Variants in GNG7 observed in about 807,000 individuals in gnomAD.
The protein encoded by GNG7 is G protein subunit gamma 7, also known as guanine nucleotide-binding protein G(I)/G(S)/G(O) subunit gamma-7.
GNG7 carries 1 observed loss-of-function variant against 4.0 expected under a neutral mutation model. The ratio of observed to expected loss-of-function variants is 0.25; its 90% confidence interval spans 0.09 to 1.18. The LOEUF (loss-of-function observed/expected upper bound fraction) is 1.18, where lower values mean the gene tolerates loss of function less well. Ranked by LOEUF, GNG7 falls within the 50% of genes most tolerant of loss-of-function variation. The pLI is 0.50. For missense variants in GNG7, 86 were observed against 91.9 expected (o/e 0.94, Z 0.26); for synonymous variants, 34 against 36.9 (o/e 0.92, Z 0.29).
intron 2 of GNG7, among the ~76,000 whole-genome samples, chr19:2,600,059 T>C (rs1046672241): frequency 2.0e-5 from 3 of 151,906 alleles, no homozygotes; most frequent in East Asian, 3.8e-4. Flanking sequence ...AAAGCTGTCA[T>C]ATAAAATAAA....
At position 2,513,145 on chromosome 19, in the gene GNG7, G is replaced by A. The variant is rs1055842816; in HGVS notation, c.*1877C>T. On this transcript the variant is annotated 3_prime_UTR_variant, in exon 5 of 5. Coordinates refer to ENST00000382159, the MANE Select transcript of GNG7 (RefSeq NM_052847.3). ...TCCCCCGACACCTGCACACACACCC[G>A]GAGCCCTCTAGCCTTGGCGAGGTGG... is the stretch of plus-strand genomic sequence containing the variant. 1.1e-4 allele frequency: 108 copies of A among 984,782 alleles called. No individual in the cohort carries two copies. Among genetic ancestry groups the A allele is most frequent in the Non-Finnish European group, 1.2e-4 (101 of 829,468 alleles). The allele number at this position is 984,782 out of a possible 1,614,324, so 61.0% of individuals were successfully genotyped here.
rs553743657 is a variant in GNG7, at chr19:2,555,088, G to C, written c.-38+61C>G. The C allele has an allele frequency of 2.6e-5, 4 of 152,156 alleles. No individual in the cohort carries two copies. In the South Asian group the frequency reaches 6.2e-4, roughly 24 times the overall value. The allele number at this position is 152,156 out of a possible 1,614,324, so 9.4% of individuals were successfully genotyped here. On this transcript the variant is annotated intron_variant, in intron 3 of 4. Coordinates refer to ENST00000382159, the MANE Select transcript of GNG7 (RefSeq NM_052847.3). ...ACACATAAAAGACTGGGGCTTGTTTGTTCCTTTTTCTAAAAAACAAGAGAT... is the reference window on the plus strand; with the variant it reads ...ACACATAAAAGACTGGGGCTTGTTTCTTCCTTTTTCTAAAAAACAAGAGAT...
Position 2,634,887 on chromosome 19 carries a change from C to CA in GNG7, c.-78+11336dup, listed in dbSNP as rs202100769. On this transcript the variant is annotated intron_variant, in intron 2 of 4. Transcript: ENST00000382159. The surrounding 1 kb of genome is among the most constrained non-coding windows in gnomAD (Gnocchi z 5.3). ...GTAAAGCTCTCAGCAGAAATGTTAC[C>CA]AAAAAAAAAAAACCCTCGCCGGGAG... is the stretch of plus-strand genomic sequence containing the variant. 0.021 allele frequency among the ~76,000 whole-genome samples: 2,818 copies of CA among 137,150 alleles called. 58 individuals carry two copies. The highest frequency in any genetic ancestry group is 0.061 in the African/African-American group (2,290 of 37,762). 90.0% of individuals were successfully genotyped at this position (137,150 alleles called of 152,430 possible).
intron 3 of GNG7, among the ~76,000 whole-genome samples, chr19:2,521,207 A>G (rs911669275): frequency 4.5e-4 from 69 of 151,950 alleles, no homozygotes; most frequent in Non-Finnish European, 9.1e-4. Flanking sequence ...TGGAGCTTGC[A>G]GTGAGCCGAG....
In GNG7 at chr19:2,617,075, A is replaced by T. The variant is rs1291968616; in HGVS notation, c.-78+29149T>A. Among the ~76,000 whole-genome samples, 1 of 152,226 alleles carries T rather than the reference A, an allele frequency of 6.6e-6. No homozygotes were observed. Among genetic ancestry groups the T allele is most frequent in the Non-Finnish European group, 1.5e-5 (1 of 68,038 alleles). Reference sequence around the variant, plus strand: ...TATCGGAAAAACTTTAGCTTATTTCAGCCTAATTACATTCCGTTAACCCAA... The same window carrying T: ...TATCGGAAAAACTTTAGCTTATTTCTGCCTAATTACATTCCGTTAACCCAA... On this transcript the variant is annotated intron_variant, in intron 2 of 4. Transcript: ENST00000382159. This position sits in a 1 kb window ranked among gnomAD's most constrained non-coding sequence, Gnocchi z 4.7.
At chr19:2,576,078 CAG>C (rs1980329025) in intron 2 of GNG7, among the ~76,000 whole-genome samples, 2 of 74,908 alleles carry the variant, frequency 2.7e-5, no homozygotes, top group African/African-American at 3.3e-4. Context: ...CGCAGACATG[CAG>C]ACACACACAC....
At chr19:2,561,597 G>T (rs1979742328) in intron 2 of GNG7, among the ~76,000 whole-genome samples, 1 of 152,016 alleles carries the variant, frequency 6.6e-6, no homozygotes, top group Admixed American at 6.6e-5. Context: ...ACACTGGTTG[G>T]CCGGGCGCAG....
At position 2,673,271 on chromosome 19, in the gene GNG7, AACAAAACAAAACAAAAC is replaced by A. The variant is rs1599455164; in HGVS notation, c.-134-27008_-134-26992del. On this transcript the variant is annotated intron_variant, in intron 1 of 4. Coordinates refer to ENST00000382159, the MANE Select transcript of GNG7 (RefSeq NM_052847.3). ...AGATTCCATCTCAAAAAAAAAACAA[AACAAAACAAAACAAAAC>A]AAAAAAAAACCCAGCAGGTCATCAA... Among the ~76,000 whole-genome samples, 4 of 144,996 alleles carry A rather than the reference AACAAAACAAAACAAAAC, an allele frequency of 2.8e-5. No homozygotes were observed. The East Asian group carries it at 8.1e-4, about 29-fold the overall frequency.
At chr19:2,672,683 T>G (rs1156697519) in intron 1 of GNG7, among the ~76,000 whole-genome samples, 1 of 151,986 alleles carries the variant, frequency 6.6e-6, no homozygotes, top group Admixed American at 6.6e-5. Context: ...TGGCCTCAAG[T>G]GATTTGCCCG....
chr19:2,545,158 G>A (rs1052922712), intron 3 of GNG7, among the ~76,000 whole-genome samples: 2 of 151,084 alleles, frequency 1.3e-5, no homozygotes, highest in Admixed American at 6.6e-5. Context: ...AGGTAATTCC[G>A]TCCCCCAGGG....
intron 2 of GNG7, among the ~76,000 whole-genome samples, chr19:2,589,889 G>A (rs1599408572): frequency 6.6e-6 from 1 of 152,138 alleles, no homozygotes; most frequent in Non-Finnish European, 1.5e-5. Context: ...TCAGCTCACT[G>A]CAACCTCCAC....
chr19:2,573,070 G>C (rs1980198870), intron 2 of GNG7, among the ~76,000 whole-genome samples: 1 of 145,958 alleles, frequency 6.9e-6, no homozygotes. Flanking sequence ...CCGTCGCCTA[G>C]GCTGGAGTGC....
intron 2 of GNG7, among the ~76,000 whole-genome samples, chr19:2,566,425 G>C (rs761582123): frequency 6.6e-6 from 1 of 152,156 alleles, no homozygotes; most frequent in Non-Finnish European, 1.5e-5. Flanking sequence ...CCAGAGCGGA[G>C]AGAGAATGAA....
Position 2,611,660 on chromosome 19 carries a change from C to T in GNG7, c.-78+34564G>A, listed in dbSNP as rs1981570298. 1.3e-5 allele frequency: 2 copies of T among 151,720 alleles called. No homozygotes were observed. The highest frequency in any genetic ancestry group is 2.9e-5 in the Non-Finnish European group (2 of 67,912). The allele number at this position is 151,720 out of a possible 1,614,324, so 9.4% of individuals were successfully genotyped here. Reference sequence around the variant, plus strand: ...GAGACCAGCCTGGCCAAGAGAGCAACACCAGGTCTCTACAAAAAATTAAAA... The same window carrying T: ...GAGACCAGCCTGGCCAAGAGAGCAATACCAGGTCTCTACAAAAAATTAAAA... On this transcript the variant is annotated intron_variant, in intron 2 of 4. Transcript: ENST00000382159. This position sits in a 1 kb window ranked among gnomAD's most constrained non-coding sequence, Gnocchi z 6.0.
chr19:2,513,539 G>A lies in GNG7; in HGVS notation c.*1483C>T. The A allele has an allele frequency of 1.5e-5, 15 of 985,542 alleles. No individual in the cohort carries two copies. Among genetic ancestry groups the A allele is most frequent in the Non-Finnish European group, 1.8e-5 (15 of 830,024 alleles). 61.0% of individuals were successfully genotyped at this position (985,542 alleles called of 1,614,324 possible). On this transcript the variant is annotated 3_prime_UTR_variant, in exon 5 of 5. Coordinates refer to ENST00000382159, the MANE Select transcript of GNG7 (RefSeq NM_052847.3). The stretch of plus-strand genomic sequence containing the variant: ...CTCCCCCCGACCCCATGACATCTTC[G>A]ATTTCCACTTGCCGCTGGGAGGAGT...
chr19:2,675,601 T>G (rs865995868), intron 1 of GNG7, among the ~76,000 whole-genome samples: 2 of 152,212 alleles, frequency 1.3e-5, no homozygotes, highest in Admixed American at 1.3e-4. Context: ...TATGAGGGAC[T>G]GCTGGGGGAA....
chr19:2,683,808 G>C (rs150856344), intron 1 of GNG7: 9 of 152,366 alleles, frequency 5.9e-5, no homozygotes, highest in South Asian at 2.1e-4. Context: ...GCACAGGGAC[G>C]GGCCAGCTCG....
intron 4 of GNG7, 108 bp downstream of exon 4, chr19:2,520,500 G>A: frequency 1.5e-6 from 1 of 647,564 alleles, no homozygotes; most frequent in Non-Finnish European, 2.8e-6. Context: ...CACAGCAAGA[G>A]ACACAGTTGG....
chr19:2,639,029 G>A (rs762019815), intron 2 of GNG7, among the ~76,000 whole-genome samples: 2 of 151,948 alleles, frequency 1.3e-5, no homozygotes, highest in African/African-American at 2.4e-5. Context: ...TTGAGGTCAG[G>A]GGTTCGACAC....
Sources: allele counts gnomAD v4.1 joint callset (sites outside exome capture counted in the v4.1 genomes callset), GRCh38; gene constraint gnomAD v4.1.1; non-coding constraint Gnocchi (gnomAD v3.1); transcripts MANE v1.5; gene names NCBI Gene and HGNC (gene_info 2026-07-23, HGNC 2026-07-21).